HTR2C: variants seen among roughly 807,000 people sequenced by gnomAD.
The protein encoded by HTR2C is 5-hydroxytryptamine (serotonin) receptor 2C, G protein-coupled.
A neutral mutation model predicts 21.0 loss-of-function variants in HTR2C; 5 were observed. The observed-to-expected ratio is 0.24, with a 90% CI of 0.12 to 0.50. HTR2C has a LOEUF of 0.50. HTR2C is among the 20% of genes least tolerant of loss of function. The pLI, the probability that HTR2C is intolerant of heterozygous loss-of-function variation, is 0.98. For missense variants in HTR2C, 271 were observed against 371.2 expected, an observed-to-expected ratio of 0.73 and a Z score of 2.22; for synonymous variants, 150 against 145.3, an observed-to-expected ratio of 1.03 and a Z score of -0.23.
chrX:114,843,471 G>T (rs1207182781), intron 4 of HTR2C, among the ~76,000 whole-genome samples: 2 of 111,356 alleles, frequency 1.8e-5, no homozygotes, highest in Admixed American at 9.6e-5. Context: ...AATGAACAAT[G>T]CCTAAGGGAC....
intron 4 of HTR2C, among the ~76,000 whole-genome samples, chrX:114,816,315 C>T (rs1393765744): frequency 4.1e-5 from 4 of 98,755 alleles, no homozygotes; most frequent in East Asian, 3.0e-4. Flanking sequence ...AATGACCAAC[C>T]GCATCACTTT....
chrX:114,634,073 C>T (rs1335834704), intron 2 of HTR2C, among the ~76,000 whole-genome samples: 4 of 109,545 alleles, frequency 3.7e-5, no homozygotes, highest in Non-Finnish European at 5.7e-5. Flanking sequence ...CTACTTCCTC[C>T]ATTACTTATC....
rs5987814 is a variant in HTR2C, at chrX:114,738,050, G to A, written c.349+6443G>A. Among the ~76,000 whole-genome samples, 993 of 111,943 alleles carry A rather than the reference G, an allele frequency of 8.9e-3. 10 individuals carry two copies. Among genetic ancestry groups the A allele is most frequent in the African/African-American group, 0.03 (928 of 30,826 alleles). ...AAAATCTTAGCACACAGAATCCAAT[G>A]TCATGTGAATTGAAAAAACTCAAAG... On this transcript the variant is annotated intron_variant, in intron 4 of 5. Transcript: ENST00000276198.
intron 2 of HTR2C, among the ~76,000 whole-genome samples, chrX:114,648,092 G>A (rs1360230579): frequency 8.9e-6 from 1 of 111,950 alleles, no homozygotes; most frequent in Non-Finnish European, 1.9e-5. Flanking sequence ...TAGGTTTGGT[G>A]CAAAAGTGGA....
intron 2 of HTR2C, among the ~76,000 whole-genome samples, chrX:114,724,111 T>G (rs1324368677): frequency 2.8e-5 from 3 of 106,057 alleles, no homozygotes; most frequent in Non-Finnish European, 5.8e-5. Flanking sequence ...ATGTTGACAG[T>G]GGGGTGTTAA....
At chrX:114,878,764 G>T (rs1279218909) in intron 5 of HTR2C, among the ~76,000 whole-genome samples, 1 of 110,429 alleles carries the variant, frequency 9.1e-6, no homozygotes, top group Non-Finnish European at 1.9e-5. Flanking sequence ...TGTTCCAATT[G>T]CACTTGAAAA....
At chrX:114,802,572 C>T (rs1467200948) in intron 4 of HTR2C, among the ~76,000 whole-genome samples, 1 of 110,951 alleles carries the variant, frequency 9.0e-6, no homozygotes, top group Non-Finnish European at 1.9e-5. Flanking sequence ...CAACCAAACA[C>T]AAGCTGTTAT....
At chrX:114,608,999 G>A (rs782775023) in intron 1 of HTR2C, among the ~76,000 whole-genome samples, 6 of 111,832 alleles carry the variant, frequency 5.4e-5, no homozygotes, top group African/African-American at 6.5e-5. Context: ...TGCAAGACAC[G>A]TCTTTAAAAT....
intron 2 of HTR2C, among the ~76,000 whole-genome samples, chrX:114,676,872 G>C (rs1556412838): frequency 8.9e-6 from 1 of 112,070 alleles, no homozygotes; most frequent in Non-Finnish European, 1.9e-5. Flanking sequence ...CTGAGTGGGT[G>C]TGTGTGAAAT....
chrX:114,802,598 A>C lies in HTR2C; in HGVS notation c.350-45405A>C, dbSNP rs140212222. Among the ~76,000 whole-genome samples, 1,104 of 110,819 alleles carry C rather than the reference A, an allele frequency of 1.0e-2. 14 individuals carry two copies. Among genetic ancestry groups the C allele is most frequent in the African/African-American group, 0.034 (1,045 of 30,521 alleles). The stretch of plus-strand genomic sequence containing the variant: ...AAGCTGTTATGAAGCCCATGATGAT[A>C]ATTAAGACTTAATGAAATTTTGCTC... On this transcript the variant is annotated intron_variant, in intron 4 of 5. Transcript: ENST00000276198.
At chrX:114,729,161 T>C (rs1271160808) in intron 3 of HTR2C, among the ~76,000 whole-genome samples, 1 of 111,835 alleles carries the variant, frequency 8.9e-6, no homozygotes, top group East Asian at 2.8e-4. Context: ...TCTTCACACA[T>C]AGACGTCGTC....
At chrX:114,787,141 T>C (rs1556442326) in intron 4 of HTR2C, among the ~76,000 whole-genome samples, 1 of 111,860 alleles carries the variant, frequency 8.9e-6, no homozygotes, top group African/African-American at 3.3e-5. Context: ...GACGAATCTT[T>C]TTCTGGACCG....
intron 2 of HTR2C, among the ~76,000 whole-genome samples, chrX:114,619,744 C>T (rs1226193627): frequency 3.6e-5 from 4 of 111,145 alleles, no homozygotes; most frequent in African/African-American, 1.3e-4. Context: ...CTGTTATATA[C>T]CCTAATAGAT....
intron 4 of HTR2C, among the ~76,000 whole-genome samples, chrX:114,733,427 C>A (rs1556423801): frequency 9.3e-6 from 1 of 107,317 alleles, no homozygotes; most frequent in Non-Finnish European, 1.9e-5. Flanking sequence ...AAAAAAAAAA[C>A]CACCACAAGC....
At chrX:114,724,507 CCATT>C (rs1211850044) in intron 2 of HTR2C, among the ~76,000 whole-genome samples, 2 of 85,932 alleles carry the variant, frequency 2.3e-5, no homozygotes, top group Non-Finnish European at 4.6e-5. Context: ...AGCATTTAGT[CCATT>C]TACATTTAAA....
At chrX:114,812,393 C>G (rs1469922566) in intron 4 of HTR2C, among the ~76,000 whole-genome samples, 1 of 110,405 alleles carries the variant, frequency 9.1e-6, no homozygotes, top group African/African-American at 3.3e-5. Context: ...AGACACCCTC[C>G]AGTAGTTCAG....
chrX:114,595,813 A>C (rs782695154), intron 1 of HTR2C, among the ~76,000 whole-genome samples: 29 of 111,513 alleles, frequency 2.6e-4, no homozygotes, highest in African/African-American at 2.9e-4. Context: ...TAAAACACAA[A>C]AAAAAAATCC....
chrX:114,814,556 T>C (rs2070563809), intron 4 of HTR2C, among the ~76,000 whole-genome samples: 1 of 108,284 alleles, frequency 9.2e-6, no homozygotes, highest in African/African-American at 3.3e-5. Flanking sequence ...ACTAAGAAAA[T>C]AGGGTGATAT....
At chrX:114,905,775 C>A (rs782154174) in intron 5 of HTR2C, among the ~76,000 whole-genome samples, 1 of 111,854 alleles carries the variant, frequency 8.9e-6, no homozygotes, top group African/African-American at 3.2e-5. Flanking sequence ...CTTACTTATG[C>A]TCAGGCACAA....
Sources: gnomAD v4.1 joint callset for allele counts (sites outside exome capture counted in the v4.1 genomes callset) on GRCh38, gnomAD v4.1.1 for gene constraint, MANE v1.5 for transcripts, NCBI Gene and HGNC (gene_info 2026-07-23, HGNC 2026-07-21) for gene names.